Variants in DPP10 observed in about 807,000 individuals in gnomAD.
The protein encoded by DPP10 is dipeptidyl peptidase like 10, also known as inactive dipeptidyl peptidase 10.
Under a neutral mutation model 120.9 loss-of-function variants are expected in DPP10, and 33 were observed. That is an observed-to-expected ratio of 0.27 (90% CI 0.21 to 0.37). The LOEUF is 0.37. Ranked by LOEUF, DPP10 falls within the 10% of genes least tolerant of loss-of-function variation. The pLI is 1.00. For synonymous variants in DPP10, 337 were observed against 326.1 expected (o/e 1.03, Z -0.36); for missense variants, 816 against 942.8 (o/e 0.87, Z 1.76).
intron 1 of DPP10, among the ~76,000 whole-genome samples, chr2:115,164,455 G>A (rs940820143): frequency 6.6e-6 from 1 of 151,406 alleles, no homozygotes; most frequent in East Asian, 1.9e-4. Flanking sequence ...TCATAAAAAA[G>A]ATTCATAAAT....
intron 1 of DPP10, among the ~76,000 whole-genome samples, chr2:115,067,674 T>C (rs1707006603): frequency 6.9e-6 from 1 of 145,506 alleles, no homozygotes; most frequent in Non-Finnish European, 1.5e-5. Context: ...CCATCCTGGC[T>C]AACACGGTGA....
Position 114,958,459 on chromosome 2 carries a change from C to G in DPP10, c.61-350780C>G, listed in dbSNP as rs1698372051. The stretch of plus-strand genomic sequence containing the variant: ...GGCAGGAGGACTGCTTTTTAGTGAT[C>G]TACTGCACAGAATGGTGAATAGAAT... On this transcript the variant is annotated intron_variant, in intron 1 of 25. Coordinates refer to ENST00000410059, the MANE Select transcript of DPP10 (RefSeq NM_020868.6). 2.6e-5 allele frequency among the ~76,000 whole-genome samples: 4 copies of G among 152,226 alleles called. No individual in the cohort carries two copies. In the South Asian group the frequency reaches 6.2e-4, roughly 24 times the overall value.
chr2:115,638,124 C>T (rs1369543246), intron 5 of DPP10, among the ~76,000 whole-genome samples: 1 of 152,144 alleles, frequency 6.6e-6, no homozygotes, highest in African/African-American at 2.4e-5. Context: ...TGTGGTTCTG[C>T]CTAATTTTAA....
intron 1 of DPP10, among the ~76,000 whole-genome samples, chr2:114,710,717 C>T (rs1700973350): frequency 6.6e-6 from 1 of 152,008 alleles, no homozygotes; most frequent in African/African-American, 2.4e-5. Flanking sequence ...TGCACTCCAG[C>T]CTGGGCAACA....
chr2:115,100,235 A>T (rs976122269), intron 1 of DPP10, among the ~76,000 whole-genome samples: 1 of 152,160 alleles, frequency 6.6e-6, no homozygotes, highest in African/African-American at 2.4e-5. Flanking sequence ...ACTTGACATG[A>T]GTTCGAGGCC....
At chr2:114,500,993 A>T (rs1478320045) in intron 1 of DPP10, among the ~76,000 whole-genome samples, 1 of 152,214 alleles carries the variant, frequency 6.6e-6, no homozygotes, top group Non-Finnish European at 1.5e-5. Flanking sequence ...GACTGAGAGG[A>T]TGGCCTAGGC....
At chr2:115,684,367 C>T (rs1336491616) in intron 5 of DPP10, among the ~76,000 whole-genome samples, 2 of 151,830 alleles carry the variant, frequency 1.3e-5, no homozygotes, top group African/African-American at 4.8e-5. Context: ...TCACGACTCA[C>T]TCATCTTAAA....
chr2:114,564,490 G>T (rs536628189), intron 1 of DPP10, among the ~76,000 whole-genome samples: 2 of 152,168 alleles, frequency 1.3e-5, no homozygotes, highest in East Asian at 3.9e-4. Flanking sequence ...AACAACTAAG[G>T]TTATTTAGAA....
At chr2:115,531,788 T>A (rs940024763) in intron 5 of DPP10, among the ~76,000 whole-genome samples, 3 of 152,154 alleles carry the variant, frequency 2.0e-5, no homozygotes, top group Admixed American at 6.6e-5. Flanking sequence ...ATTGCTGTTC[T>A]CCATTCTGTT....
intron 1 of DPP10, among the ~76,000 whole-genome samples, chr2:114,845,604 G>A (rs1036478393): frequency 2.0e-5 from 3 of 152,020 alleles, no homozygotes; most frequent in Admixed American, 1.3e-4. Flanking sequence ...CTTCAGTGTC[G>A]GCAGGCTCCC....
intron 5 of DPP10, among the ~76,000 whole-genome samples, chr2:115,570,723 G>A (rs912407689): frequency 2.0e-5 from 3 of 152,278 alleles, no homozygotes; most frequent in African/African-American, 7.2e-5. Flanking sequence ...ACATACGTAG[G>A]AATGCTTCTC....
intron 1 of DPP10, among the ~76,000 whole-genome samples, chr2:114,896,619 T>C (rs920074966): frequency 2.0e-5 from 3 of 152,094 alleles, no homozygotes; most frequent in Non-Finnish European, 2.9e-5. Context: ...TGCTTATCAG[T>C]TTAAGGAGAT....
chr2:114,941,796 G>C (rs1284439636), intron 1 of DPP10, among the ~76,000 whole-genome samples: 1 of 152,110 alleles, frequency 6.6e-6, no homozygotes, highest in Non-Finnish European at 1.5e-5. Flanking sequence ...GCTATTATGA[G>C]GCTTGTATTC....
intron 1 of DPP10, among the ~76,000 whole-genome samples, chr2:114,788,106 T>C (rs1208943572): frequency 6.6e-6 from 1 of 152,162 alleles, no homozygotes; most frequent in Admixed American, 6.5e-5. Flanking sequence ...CATATATACA[T>C]ATATGAGTGC....
At chr2:114,971,060 A>G (rs181299412) in intron 1 of DPP10, among the ~76,000 whole-genome samples, 1 of 152,338 alleles carries the variant, frequency 6.6e-6, no homozygotes, top group African/African-American at 2.4e-5. Flanking sequence ...ACTCAGCTCA[A>G]TACATACCCG....
intron 9 of DPP10, among the ~76,000 whole-genome samples, chr2:115,742,444 A>G (rs1677402203): frequency 6.6e-6 from 1 of 152,172 alleles, no homozygotes; most frequent in Admixed American, 6.6e-5. Context: ...ATATATGATA[A>G]CTACCATTAA....
At chr2:115,379,519 A>AT (rs1392023452) in intron 3 of DPP10, among the ~76,000 whole-genome samples, 2 of 151,884 alleles carry the variant, frequency 1.3e-5, no homozygotes, top group African/African-American at 4.8e-5. Flanking sequence ...GGATTCATTG[A>AT]TTTTTTGAAG....
chr2:115,734,368 T>A (rs1451543845), intron 8 of DPP10, among the ~76,000 whole-genome samples: 1 of 152,032 alleles, frequency 6.6e-6, no homozygotes, highest in Non-Finnish European at 1.5e-5. Flanking sequence ...ACTTAGAGTT[T>A]ACGGTGGGGC....
In DPP10 at chr2:115,703,584, C is replaced by G. The variant is rs1386146792; in HGVS notation, c.576+13663C>G. ...GAAAGTTAGGCACAATTTCTTGAAG[C>G]AGAATTCATTTTTGGGGGGAAACTT... On this transcript the variant is annotated intron_variant, in intron 7 of 25. Transcript: ENST00000410059. Among the ~76,000 whole-genome samples, 4 of 151,928 alleles carry G rather than the reference C, an allele frequency of 2.6e-5. No individual in the cohort carries two copies. The East Asian group carries it at 7.7e-4, about 29-fold the overall frequency.
Sources: gnomAD v4.1 joint callset for allele counts (sites outside exome capture counted in the v4.1 genomes callset) on GRCh38, gnomAD v4.1.1 for gene constraint, MANE v1.5 for transcripts, NCBI Gene and HGNC (gene_info 2026-07-23, HGNC 2026-07-21) for gene names.